IL34: variants seen among roughly 807,000 people sequenced by gnomAD.
IL34 encodes interleukin-34.
IL34 carries 17 observed loss-of-function variants against 25.3 expected under a neutral mutation model. The ratio of observed to expected loss-of-function variants is 0.67; its 90% CI spans 0.46 to 1.01. IL34 has a LOEUF of 1.01. Among genes scored for constraint, IL34 ranks in the 50% least tolerant of loss-of-function variants. The pLI, the probability that IL34 is intolerant of heterozygous loss-of-function variation, is 0.00. For synonymous variants in IL34, 174 were observed against 140.9 expected (o/e 1.23, Z -1.66); for missense variants, 368 against 312.9 (o/e 1.18, Z -1.33).
intron 1 of IL34, among the ~76,000 whole-genome samples, chr16:70,623,886 A>G (rs2051332533): frequency 6.6e-6 from 1 of 150,908 alleles, no homozygotes; most frequent in Non-Finnish European, 1.5e-5. Flanking sequence ...AATACTCACA[A>G]CAGTTATGGA....
At chr16:70,580,378 G>C (rs1309286624) in intron 1 of IL34, among the ~76,000 whole-genome samples, 1 of 152,264 alleles carries the variant, frequency 6.6e-6, no homozygotes, top group Non-Finnish European at 1.5e-5. Flanking sequence ...ATTCTCAAAT[G>C]GTTGGCATGG....
intron 1 of IL34, among the ~76,000 whole-genome samples, chr16:70,586,676 A>G (rs1256503282): frequency 6.6e-6 from 1 of 152,128 alleles, no homozygotes; most frequent in Non-Finnish European, 1.5e-5. Flanking sequence ...GTAGAGAGAA[A>G]TGGCAGGCAC....
At chr16:70,620,382 G>A (rs371549429) in intron 1 of IL34, among the ~76,000 whole-genome samples, 169 of 152,122 alleles carry the variant, frequency 1.1e-3, no homozygotes, top group African/African-American at 3.3e-3. Context: ...GAATTGCTGG[G>A]CAGGTGGGGG....
intron 1 of IL34, among the ~76,000 whole-genome samples, chr16:70,601,298 G>C (rs1322054620): frequency 2.0e-5 from 3 of 152,074 alleles, no homozygotes; most frequent in Non-Finnish European, 2.9e-5. Flanking sequence ...GTAGAGACAG[G>C]GTCTTGCTAT....
At chr16:70,652,933 G>C (rs1313717298) in intron 1 of IL34, among the ~76,000 whole-genome samples, 1 of 152,184 alleles carries the variant, frequency 6.6e-6, no homozygotes, top group Non-Finnish European at 1.5e-5. Context: ...ACCGGGCATG[G>C]TGGCTCGTGC....
intron 1 of IL34, among the ~76,000 whole-genome samples, chr16:70,599,870 G>A (rs1315306431): frequency 6.6e-6 from 1 of 151,840 alleles, no homozygotes; most frequent in African/African-American, 2.4e-5. Flanking sequence ...TGTAGAGATG[G>A]GGTCTCCCTA....
chr16:70,656,882 G>T (rs952807602), intron 3 of IL34, 78 bp from the exon 4 acceptor site: 2 of 1,474,720 alleles, frequency 1.4e-6, no homozygotes, highest in African/African-American at 1.4e-5. Flanking sequence ...CTATGCAGGG[G>T]CAAGTCCCTG....
chr16:70,632,671 G>C (rs924355587), intron 1 of IL34, among the ~76,000 whole-genome samples: 3 of 152,144 alleles, frequency 2.0e-5, no homozygotes, highest in African/African-American at 7.2e-5. Flanking sequence ...TTGTGTTTGA[G>C]AGAGTGAAGG....
intron 1 of IL34, among the ~76,000 whole-genome samples, chr16:70,612,973 G>C (rs1250201537): frequency 6.6e-6 from 1 of 152,090 alleles, no homozygotes; most frequent in African/African-American, 2.4e-5. Context: ...GGGCTTCACT[G>C]TGTTGGCCAG....
chr16:70,633,953 C>T (rs530853921), intron 1 of IL34, among the ~76,000 whole-genome samples: 22 of 151,984 alleles, frequency 1.4e-4, no homozygotes, highest in Non-Finnish European at 2.9e-4. Context: ...TGGGTTCAAG[C>T]GATTCTGCTG....
intron 1 of IL34, among the ~76,000 whole-genome samples, chr16:70,627,155 G>A (rs1385468596): frequency 6.6e-6 from 1 of 152,080 alleles, no homozygotes; most frequent in Non-Finnish European, 1.5e-5. Flanking sequence ...ATATATGAAA[G>A]GGATGTTCTT....
chr16:70,598,514 G>A (rs1250772544), intron 1 of IL34, among the ~76,000 whole-genome samples: 3 of 152,080 alleles, frequency 2.0e-5, no homozygotes, highest in South Asian at 2.1e-4. Flanking sequence ...CAAGGCTGGC[G>A]GATCACCTGA....
chr16:70,614,270 G>A lies in IL34; in HGVS notation c.-400-32278G>A, dbSNP rs188869519. Among the ~76,000 whole-genome samples, 12 of 152,064 alleles carry A rather than the reference G, an allele frequency of 7.9e-5. No homozygotes were observed. In the East Asian group the frequency reaches 2.3e-3, roughly 29 times the overall value. On this transcript the variant is annotated intron_variant, in intron 1 of 6. Transcript: ENST00000429149. ...ATATTTTAACAAGATTCCAGGTAATGTGTCTGTATGGCACAGTTTGAGGAA... is the reference window on the plus strand; with the variant it reads ...ATATTTTAACAAGATTCCAGGTAATATGTCTGTATGGCACAGTTTGAGGAA...
At chr16:70,585,085 C>T (rs532251792) in intron 1 of IL34, among the ~76,000 whole-genome samples, 15 of 152,170 alleles carry the variant, frequency 9.9e-5, no homozygotes, top group Non-Finnish European at 1.2e-4. Flanking sequence ...CAGAAACTCT[C>T]TATTAAATGA....
chr16:70,610,736 G>T (rs1479012973), intron 1 of IL34, among the ~76,000 whole-genome samples: 1 of 152,188 alleles, frequency 6.6e-6, no homozygotes, highest in Admixed American at 6.5e-5. Context: ...ATCTCTTGTG[G>T]AATATTCCAG....
chr16:70,591,703 TATACA>T (rs2050756839), intron 1 of IL34, among the ~76,000 whole-genome samples: 1 of 152,052 alleles, frequency 6.6e-6, no homozygotes, highest in Admixed American at 6.5e-5. Context: ...TGCTCAGCCC[TATACA>T]GGCACCATCT....
intron 4 of IL34, among the ~76,000 whole-genome samples, chr16:70,658,280 A>G (rs1201904148): frequency 6.6e-6 from 1 of 152,130 alleles, no homozygotes; most frequent in Admixed American, 6.5e-5. Flanking sequence ...ATTCCTACAA[A>G]GTCAGGAGAC....
At chr16:70,658,616 G>A (rs2052296698) in intron 4 of IL34, among the ~76,000 whole-genome samples, 2 of 151,518 alleles carry the variant, frequency 1.3e-5, no homozygotes, top group African/African-American at 4.9e-5. Flanking sequence ...CAAGTAGCTG[G>A]GATTATAGAT....
intron 1 of IL34, among the ~76,000 whole-genome samples, chr16:70,630,557 C>T (rs528858340): frequency 6.6e-6 from 1 of 151,660 alleles, no homozygotes; most frequent in Admixed American, 6.6e-5. Flanking sequence ...TCTCCCCTCC[C>T]CTCTCCTCTC....
Sources: gnomAD v4.1 joint callset for allele counts (sites outside exome capture counted in the v4.1 genomes callset) on GRCh38, gnomAD v4.1.1 for gene constraint, MANE v1.5 for transcripts, NCBI Gene and HGNC (gene_info 2026-07-23, HGNC 2026-07-21) for gene names.